TNRC18: variants seen among roughly 807,000 people sequenced by gnomAD.
The protein encoded by TNRC18 is trinucleotide repeat-containing gene 18 protein.
Under a neutral mutation model 226.7 loss-of-function variants are expected in TNRC18, and 69 were observed. The ratio of observed to expected loss-of-function variants is 0.30; its 90% CI spans 0.25 to 0.37. TNRC18 has a LOEUF of 0.37. Among genes scored for constraint, TNRC18 ranks in the 10% least tolerant of loss-of-function variants. The pLI is 1.00. For synonymous variants in TNRC18, 2,449 were observed against 1,927.6 expected (o/e 1.27, Z -7.09); for missense variants, 4,754 against 4,256.6 (o/e 1.12, Z -3.25).
At chr7:5,395,357 A>AGGGGCCACTGCCAG (rs1562612390) in intron 2 of TNRC18, among the ~76,000 whole-genome samples, 1 of 152,102 alleles carries the variant, frequency 6.6e-6, no homozygotes, top group South Asian at 2.1e-4. Context: ...GTCACTGCCA[A>AGGGGCCACTGCCAG]TAGGGGCCAC....
rs1333496009 is a variant in TNRC18, at chr7:5,332,811, G to A, written c.5958C>T (p.Pro1986=). 2.7e-6 allele frequency: 4 copies of A among 1,508,782 alleles called. No homozygotes were observed. Among genetic ancestry groups the A allele is most frequent in the Non-Finnish European group, 3.5e-6 (4 of 1,137,052 alleles). 93.5% of individuals were successfully genotyped at this position (1,508,782 alleles called of 1,614,324 possible). ...GPKEPGFEAG[P]EASDDDLWTR... Reference sequence around the variant, plus strand: ...TCCACAGGTCGTCGTCGCTGGCCTCGGGCCCCGCCTCGAAGCCAGGCTCCT... The same window carrying A: ...TCCACAGGTCGTCGTCGCTGGCCTCAGGCCCCGCCTCGAAGCCAGGCTCCT... Residue 1986 remains proline, a synonymous_variant, in exon 19 of 30, where the codon CCC becomes CCT. Transcript: ENST00000430969.
intron 21 of TNRC18, 114 bp from the exon 22 acceptor site, chr7:5,321,304 G>T: frequency 1.4e-6 from 1 of 712,340 alleles, no homozygotes; most frequent in Non-Finnish European, 2.4e-6. Flanking sequence ...GTACCGGGTG[G>T]GCCTGTGGGG....
intron 3 of TNRC18, among the ~76,000 whole-genome samples, chr7:5,391,989 TCTCTCAGG>T: frequency 6.6e-6 from 1 of 151,546 alleles, no homozygotes; most frequent in Admixed American, 6.6e-5. Flanking sequence ...CAATTAGAGA[TCTCTCAGG>T]GACTCAGGTA....
Position 5,357,009 on chromosome 7 carries a change from T to G in TNRC18, c.5101A>C (p.Lys1701Gln). 1 of 1,552,342 alleles carries G rather than the reference T, an allele frequency of 6.4e-7. No homozygotes were observed. The highest frequency in any genetic ancestry group is 8.7e-7 in the Non-Finnish European group (1 of 1,147,134). ...SREGKHKRAA[K>Q]TRKMEVGFKA... is the part of the protein sequence containing the mutation. ...AACCCCACCTCCATCTTCCTGGTTTTGGCTGCCCTTTTGTGTTTACCTTCT... is the reference window on the plus strand; with the variant it reads ...AACCCCACCTCCATCTTCCTGGTTTGGGCTGCCCTTTTGTGTTTACCTTCT... The change falls in exon 16 of 30, where the codon AAA (lysine) becomes CAA (glutamine). Residue 1701 changes from lysine to glutamine, a missense_variant. Transcript: ENST00000430969.
chr7:5,332,430 C>A (rs1789621403), intron 19 of TNRC18, among the ~76,000 whole-genome samples, 192 bp downstream of exon 19: 1 of 152,208 alleles, frequency 6.6e-6, no homozygotes, highest in Admixed American at 6.5e-5. Flanking sequence ...AGAGTTGACT[C>A]TTAAGAAACA....
At chr7:5,392,491 G>C (rs368551801) in intron 3 of TNRC18, among the ~76,000 whole-genome samples, 16 of 152,268 alleles carry the variant, frequency 1.1e-4, no homozygotes, top group African/African-American at 3.1e-4. Flanking sequence ...GCGCACGCCT[G>C]TAATCCCAGC....
At chr7:5,322,658 G>A (rs184623730) in intron 21 of TNRC18, among the ~76,000 whole-genome samples, 36 of 152,334 alleles carry the variant, frequency 2.4e-4, no homozygotes, top group African/African-American at 5.8e-4. Context: ...CAAACTTGCC[G>A]ACGGCGGTCA....
At chr7:5,344,454 G>A (rs1344474500) in intron 18 of TNRC18, among the ~76,000 whole-genome samples, 1 of 152,148 alleles carries the variant, frequency 6.6e-6, no homozygotes, top group African/African-American at 2.4e-5. Flanking sequence ...GCAAACAATG[G>A]CAGGGCATGA....
chr7:5,369,985 C>T (rs541646673), intron 11 of TNRC18, among the ~76,000 whole-genome samples: 38 of 152,022 alleles, frequency 2.5e-4, no homozygotes, highest in Middle Eastern at 3.4e-3. Context: ...AACCATATTC[C>T]GGGTTTTTCA....
rs1417644887 is a variant in TNRC18, at chr7:5,315,835, C to T, written c.6862+121G>A. 5 of 697,652 alleles carry T rather than the reference C, an allele frequency of 7.2e-6. No individual in the cohort carries two copies. In the Admixed American group the frequency reaches 1.1e-4, roughly 15 times the overall value. 43.2% of individuals were successfully genotyped at this position (697,652 alleles called of 1,614,324 possible). ...CACGGGAGCCCACCCATGGCTTCTG[C>T]TGCTTCCATCACCTGTGGCTCCAAA... On this transcript the variant is annotated intron_variant, in intron 25 of 29. Transcript: ENST00000430969.
chr7:5,385,052 G>A (rs941696831), intron 5 of TNRC18, among the ~76,000 whole-genome samples: 5 of 152,252 alleles, frequency 3.3e-5, no homozygotes, highest in African/African-American at 1.2e-4. Context: ...GACAGGCCCG[G>A]TCCAAGGTGG....
chr7:5,377,316 G>GCCC lies in TNRC18; in HGVS notation c.2461+52_2461+54dup. The stretch of plus-strand genomic sequence containing the variant: ...AGCCCTGAGCTCTTGTCCTGCACCC[G>GCCC]CCCCCTCCCACCCCTCCCTCAGAGA... On this transcript the variant is annotated intron_variant, in intron 7 of 29. Transcript: ENST00000430969. This position sits in a 1 kb window ranked among gnomAD's most constrained non-coding sequence, Gnocchi z 5.8. 5 of 453,408 alleles carry GCCC rather than the reference G, an allele frequency of 1.1e-5. No homozygotes were observed. Among genetic ancestry groups the GCCC allele is most frequent in the Non-Finnish European group, 4.2e-6 (1 of 240,312 alleles). 28.1% of individuals were successfully genotyped at this position (453,408 alleles called of 1,614,324 possible).
chr7:5,317,576 G>A (rs1719066562), intron 24 of TNRC18, among the ~76,000 whole-genome samples: 1 of 151,736 alleles, frequency 6.6e-6, no homozygotes, highest in African/African-American at 2.4e-5. Flanking sequence ...GGGTGACAGA[G>A]CAAGACTCTG....
At chr7:5,320,643 C>G in intron 22 of TNRC18, 36 bp from the exon 23 acceptor site, 2 of 1,591,438 alleles carry the variant, frequency 1.3e-6, no homozygotes, top group South Asian at 1.1e-5. Context: ...TGGCAGAGGC[C>G]GAGACCTCCC....
chr7:5,416,982 T>C (rs968727904), intron 2 of TNRC18, among the ~76,000 whole-genome samples: 5 of 15,992 alleles, frequency 3.1e-4, no homozygotes, highest in African/African-American at 6.6e-4. Context: ...ACCCTGTCTC[T>C]TAAAAAAAAA....
chr7:5,387,552 A>T (rs1010101678), intron 5 of TNRC18, 120 bp downstream of exon 5: 11 of 1,388,424 alleles, frequency 7.9e-6, no homozygotes, highest in South Asian at 1.3e-5. Context: ...AGACCATTTT[A>T]AAAAATGATA....
At chr7:5,368,204 C>T (rs879383509) in intron 11 of TNRC18, among the ~76,000 whole-genome samples, 2 of 151,994 alleles carry the variant, frequency 1.3e-5, no homozygotes, top group Admixed American at 6.6e-5. Flanking sequence ...CGGGTGCTCA[C>T]GCTTGTAATC....
At chr7:5,339,578 T>TGTGTG (rs1562514256) in intron 18 of TNRC18, among the ~76,000 whole-genome samples, 1 of 146,164 alleles carries the variant, frequency 6.8e-6, no homozygotes, top group Non-Finnish European at 1.5e-5. Flanking sequence ...TGTGTGTGTG[T>TGTGTG]TTTTCGACAG....
Position 5,388,625 on chromosome 7 carries a change from C to A in TNRC18, c.1199G>T (p.Arg400Leu). The A allele has an allele frequency of 3.9e-6, 5 of 1,279,748 alleles. No individual in the cohort carries two copies. Among genetic ancestry groups the A allele is most frequent in the Non-Finnish European group, 4.0e-6 (4 of 1,012,168 alleles). 79.3% of individuals were successfully genotyped at this position (1,279,748 alleles called of 1,614,324 possible). Residue 400 changes from arginine to leucine, a missense_variant, in exon 5 of 30, where the codon CGC becomes CTC. Transcript: ENST00000430969. ...IASQARDARA[R>L]EREAGRPGVL... is the part of the protein sequence containing the mutation. ...CCCTGGCCTGCCAGCCTCGCGCTCG[C>A]GGGCCCGGGCATCGCGCGCCTGGGA...
Sources: gnomAD v4.1 joint callset for allele counts (sites outside exome capture counted in the v4.1 genomes callset) on GRCh38, gnomAD v4.1.1 for gene constraint, Gnocchi (gnomAD v3.1) non-coding constraint, MANE v1.5 for transcripts, NCBI Gene and HGNC (gene_info 2026-07-23, HGNC 2026-07-21) for gene names.